NTM: variants seen among roughly 807,000 people sequenced by gnomAD.
The protein encoded by NTM is IgLON family member 2.
A neutral mutation model predicts 42.1 loss-of-function variants in NTM; 13 were observed. The observed-to-expected ratio is 0.31, with a 90% CI of 0.20 to 0.49. The LOEUF is 0.49. NTM is among the 20% of genes least tolerant of loss of function. The pLI, the probability that NTM is intolerant of heterozygous loss-of-function variation, is 0.99. For missense variants in NTM, 373 were observed against 452.8 expected (o/e 0.82, Z 1.60); for synonymous variants, 187 against 179.2 (o/e 1.04, Z -0.35).
chr11:132,016,097 G>C (rs2073351917), intron 2 of NTM, among the ~76,000 whole-genome samples: 1 of 150,246 alleles, frequency 6.7e-6, no homozygotes, highest in Non-Finnish European at 1.5e-5. Flanking sequence ...GCCTGTTGTT[G>C]AGAGTTTTTT....
chr11:132,217,622 G>C (rs546072072), intron 4 of NTM, among the ~76,000 whole-genome samples: 1 of 151,922 alleles, frequency 6.6e-6, no homozygotes, highest in Non-Finnish European at 1.5e-5. Flanking sequence ...TTTACCTAAC[G>C]TGAAGTGGGT....
At chr11:132,110,334 A>C (rs1220736038) in intron 2 of NTM, among the ~76,000 whole-genome samples, 1 of 152,234 alleles carries the variant, frequency 6.6e-6, no homozygotes, top group Non-Finnish European at 1.5e-5. Context: ...GCACCAAAAC[A>C]CTTAGGAAAT....
chr11:131,373,704 G>C (rs1941540955), intron 1 of NTM, among the ~76,000 whole-genome samples: 1 of 152,110 alleles, frequency 6.6e-6, no homozygotes, highest in Admixed American at 6.5e-5. Flanking sequence ...TGCTTGTGCT[G>C]CAGCTTCCTC....
At chr11:131,730,114 TTGA>T (rs2079455215) in intron 1 of NTM, among the ~76,000 whole-genome samples, 2 of 152,236 alleles carry the variant, frequency 1.3e-5, no homozygotes, top group Non-Finnish European at 2.9e-5. Context: ...GTCTGTCATC[TTGA>T]TGATCACCAT....
intron 1 of NTM, among the ~76,000 whole-genome samples, chr11:131,501,855 G>A (rs374714420): frequency 6.0e-5 from 9 of 150,218 alleles, no homozygotes; most frequent in African/African-American, 2.2e-4. Flanking sequence ...ACCAGAGGAA[G>A]AGAAGGTATG....
intron 1 of NTM, among the ~76,000 whole-genome samples, chr11:131,637,807 G>A (rs1194944526): frequency 6.6e-6 from 1 of 152,086 alleles, no homozygotes; most frequent in Non-Finnish European, 1.5e-5. Context: ...GTGCACAAGA[G>A]AAGGTATCTC....
At chr11:132,251,877 G>A (rs3133905) in intron 4 of NTM, among the ~76,000 whole-genome samples, 72,758 of 152,104 alleles carry the variant, frequency 0.48, 17,821 homozygotes, top group African/African-American at 0.55. Flanking sequence ...AGGAAGAGGC[G>A]CAGGCTTCCA....
intron 2 of NTM, among the ~76,000 whole-genome samples, chr11:131,994,247 C>T (rs1199875180): frequency 6.6e-6 from 1 of 152,110 alleles, no homozygotes. Context: ...GTCTTCCCTA[C>T]CTAATGGTAA....
At chr11:132,225,874 C>A (rs1566520435) in intron 4 of NTM, among the ~76,000 whole-genome samples, 1 of 152,058 alleles carries the variant, frequency 6.6e-6, no homozygotes, top group African/African-American at 2.4e-5. Flanking sequence ...CCCCCAACCC[C>A]CTGACAGGCC....
intron 2 of NTM, among the ~76,000 whole-genome samples, chr11:131,913,416 G>C (rs1302367582): frequency 1.3e-5 from 2 of 152,072 alleles, no homozygotes; most frequent in Admixed American, 6.5e-5. Flanking sequence ...GGCAGACAGA[G>C]ACCAGGCCAG....
At chr11:132,320,166 A>G (rs150638624) in intron 7 of NTM, among the ~76,000 whole-genome samples, 13 of 152,238 alleles carry the variant, frequency 8.5e-5, no homozygotes, top group African/African-American at 3.1e-4. Flanking sequence ...AAGATGGGAT[A>G]AAAGCCGCAA....
chr11:131,781,126 A>G (rs558529057), intron 1 of NTM, among the ~76,000 whole-genome samples: 107 of 152,260 alleles, frequency 7.0e-4, no homozygotes, highest in African/African-American at 2.4e-3. Context: ...ACTGATTTTA[A>G]AAGAGAGCTC....
chr11:131,870,822 A>G (rs115535833), intron 1 of NTM, among the ~76,000 whole-genome samples: 418 of 152,324 alleles, frequency 2.7e-3, no homozygotes, highest in African/African-American at 9.6e-3. Context: ...TTTCAAAAAA[A>G]GCTTATCTTC....
At chr11:131,565,515 G>A (rs2056784975) in intron 1 of NTM, among the ~76,000 whole-genome samples, 1 of 152,130 alleles carries the variant, frequency 6.6e-6, no homozygotes, top group Admixed American at 6.5e-5. Flanking sequence ...CTCCATGCTG[G>A]GCTGAACATC....
chr11:131,685,216 G>T (rs144721384), intron 1 of NTM, among the ~76,000 whole-genome samples: 1 of 152,162 alleles, frequency 6.6e-6, no homozygotes, highest in African/African-American at 2.4e-5. Flanking sequence ...AATCAGCTTG[G>T]GGGGCAGCTA....
chr11:132,173,612 G>T (rs2076388442), intron 3 of NTM, among the ~76,000 whole-genome samples: 1 of 152,194 alleles, frequency 6.6e-6, no homozygotes, highest in Non-Finnish European at 1.5e-5. Context: ...TGTAATATTT[G>T]TATGCATCCA....
At chr11:131,381,556 T>G (rs1942685526) in intron 1 of NTM, among the ~76,000 whole-genome samples, 1 of 152,336 alleles carries the variant, frequency 6.6e-6, no homozygotes, top group South Asian at 2.1e-4. Context: ...TTTTCCGTTA[T>G]TTTTTCATAC....
At chr11:132,063,991 C>T (rs1026106111) in intron 2 of NTM, among the ~76,000 whole-genome samples, 3 of 152,154 alleles carry the variant, frequency 2.0e-5, no homozygotes, top group African/African-American at 4.8e-5. Context: ...TGTACTTTAG[C>T]ACGTGGGCAC....
At chr11:131,987,198 G>C (rs2066203676) in intron 2 of NTM, among the ~76,000 whole-genome samples, 1 of 152,114 alleles carries the variant, frequency 6.6e-6, no homozygotes, top group African/African-American at 2.4e-5. Flanking sequence ...GTATTCATCA[G>C]GTCTGTCTGG....
Sources: allele counts gnomAD v4.1 joint callset (sites outside exome capture counted in the v4.1 genomes callset), GRCh38; gene constraint gnomAD v4.1.1; transcripts MANE v1.5; gene names NCBI Gene and HGNC (gene_info 2026-07-23, HGNC 2026-07-21).